The following SORCS2 variants were observed in gnomAD, a reference collection of about 807,000 sequenced individuals.
SORCS2 encodes the protein sortilin related VPS10 domain containing receptor 2, also known as VPS10 domain-containing receptor SorCS2.
In SORCS2, 100 loss-of-function variants were observed where a neutral mutation model predicts 141.6. The ratio of observed to expected loss-of-function variants is 0.71; its 90% CI spans 0.60 to 0.83. The LOEUF is 0.83. Ranked by LOEUF, SORCS2 falls within the 40% of genes least tolerant of loss-of-function variation. The pLI is 0.00. For missense variants in SORCS2, 1,646 were observed against 1,560.2 expected (o/e 1.05, Z -0.93); for synonymous variants, 789 against 676.9 (o/e 1.17, Z -2.57).
intron 1 of SORCS2, among the ~76,000 whole-genome samples, chr4:7,318,545 G>A (rs529980244): frequency 2.6e-5 from 4 of 152,110 alleles, no homozygotes; most frequent in Admixed American, 6.5e-5. Flanking sequence ...TTAACTCTTC[G>A]TGCCCAGTTT....
chr4:7,700,528 C>T (rs914439817), intron 12 of SORCS2, among the ~76,000 whole-genome samples: 3 of 152,196 alleles, frequency 2.0e-5, no homozygotes, highest in African/African-American at 7.2e-5. Flanking sequence ...GAACGTTCTT[C>T]TTCATAGTCC....
chr4:7,332,323 C>T (rs1719702744), intron 1 of SORCS2, among the ~76,000 whole-genome samples: 1 of 152,216 alleles, frequency 6.6e-6, no homozygotes. Flanking sequence ...GTCTCAGCTC[C>T]TCTGAGGCTG....
rs182308986 is a variant in SORCS2 at position 7,735,681 on chromosome 4, G to A, written c.3311+1307G>A. On this transcript the variant is annotated intron_variant, in intron 25 of 26. Transcript: ENST00000507866. ...AAGTTCCAAACTCAGAGAGGCACTGGCTTCCGAACAGGTCTATCCAGGGGT... is the reference window on the plus strand; with the variant it reads ...AAGTTCCAAACTCAGAGAGGCACTGACTTCCGAACAGGTCTATCCAGGGGT... 3.9e-5 allele frequency among the ~76,000 whole-genome samples: 6 copies of A among 152,296 alleles called. No individual in the cohort carries two copies. The East Asian group carries it at 1.2e-3, about 29-fold the overall frequency.
chr4:7,426,629 G>T (rs1016163452), intron 2 of SORCS2, among the ~76,000 whole-genome samples: 7 of 152,094 alleles, frequency 4.6e-5, no homozygotes, highest in African/African-American at 1.4e-4. Context: ...TGTACTGGGT[G>T]TCTTGTGTGT....
At chr4:7,612,925 G>GGGAACA (rs368638335) in intron 3 of SORCS2, among the ~76,000 whole-genome samples, 2 of 152,210 alleles carry the variant, frequency 1.3e-5, no homozygotes, top group African/African-American at 4.8e-5. Flanking sequence ...GCTGGGGGAG[G>GGGAACA]AGACGCCATT....
At chr4:7,693,854 C>T (rs1158869480) in intron 11 of SORCS2, among the ~76,000 whole-genome samples, 1 of 152,216 alleles carries the variant, frequency 6.6e-6, no homozygotes, top group Non-Finnish European at 1.5e-5. Context: ...GATGTGAGGG[C>T]GAGAAGCCCT....
intron 3 of SORCS2, among the ~76,000 whole-genome samples, chr4:7,600,652 TATATACACACACACACACACAC>T (rs1392874544): frequency 3.1e-5 from 3 of 96,232 alleles, no homozygotes; most frequent in African/African-American, 1.1e-4. Flanking sequence ...TATACATATA[TATATACACACACACACACACAC>T]ACACACACAC....
intron 5 of SORCS2, among the ~76,000 whole-genome samples, chr4:7,655,721 C>A (rs1194111398): frequency 6.6e-6 from 1 of 152,248 alleles, no homozygotes; most frequent in Non-Finnish European, 1.5e-5. Context: ...CAACTGTCAG[C>A]AGCCAGAGCT....
intron 2 of SORCS2, among the ~76,000 whole-genome samples, chr4:7,440,986 G>A (rs931468427): frequency 3.3e-5 from 5 of 152,308 alleles, no homozygotes; most frequent in African/African-American, 4.8e-5. Flanking sequence ...AGGGAGTTTC[G>A]TGGGGTGAGA....
intron 1 of SORCS2, among the ~76,000 whole-genome samples, chr4:7,331,226 G>A (rs1719636611): frequency 6.6e-6 from 1 of 152,200 alleles, no homozygotes; most frequent in South Asian, 2.1e-4. Context: ...GCTGGAGACT[G>A]CTGTGGGGCT....
At chr4:7,484,234 C>T (rs1010508234) in intron 2 of SORCS2, among the ~76,000 whole-genome samples, 3 of 152,196 alleles carry the variant, frequency 2.0e-5, no homozygotes, top group Non-Finnish European at 2.9e-5. Flanking sequence ...TGAGTCTGAA[C>T]GTATTTTCCG....
At chr4:7,237,154 C>G (rs1328659974) in intron 1 of SORCS2, among the ~76,000 whole-genome samples, 2 of 152,346 alleles carry the variant, frequency 1.3e-5, no homozygotes, top group Non-Finnish European at 2.9e-5. Flanking sequence ...AAGTTTCTGA[C>G]AAGCAGCAGA....
rs186607625 is a variant in SORCS2, at chr4:7,675,823, C to T, written c.1162-227C>T. Among the ~76,000 whole-genome samples the T allele has an allele frequency of 3.4e-3, 525 of 152,300 alleles. 1 individual carries two copies. Among genetic ancestry groups the T allele is most frequent in the Admixed American group, 8.7e-3 (133 of 15,310 alleles). The stretch of plus-strand genomic sequence containing the variant: ...CATAACCCGGCGTAGAGCATCCCAA[C>T]GCCATCCCCATTTTAGAGATGGGGA... On this transcript the variant is annotated intron_variant, in intron 8 of 26. Transcript: ENST00000507866.
At chr4:7,269,827 C>T (rs550030328) in intron 1 of SORCS2, among the ~76,000 whole-genome samples, 3 of 152,302 alleles carry the variant, frequency 2.0e-5, no homozygotes, top group East Asian at 3.9e-4. Context: ...GAGCCACCCA[C>T]TGTGTGGTGA....
chr4:7,379,159 G>C (rs546600251), intron 1 of SORCS2, among the ~76,000 whole-genome samples: 3 of 152,198 alleles, frequency 2.0e-5, no homozygotes, highest in African/African-American at 7.2e-5. Context: ...GCACATCCGA[G>C]TATGGGCCAG....
At chr4:7,611,059 A>G (rs542979687) in intron 3 of SORCS2, among the ~76,000 whole-genome samples, 1 of 152,204 alleles carries the variant, frequency 6.6e-6, no homozygotes, top group African/African-American at 2.4e-5. Flanking sequence ...ACTAAGCAGG[A>G]TGGCCTGCAG....
intron 1 of SORCS2, among the ~76,000 whole-genome samples, chr4:7,308,271 A>G (rs2108914466): frequency 6.6e-6 from 1 of 152,272 alleles, no homozygotes; most frequent in South Asian, 2.1e-4. Context: ...TCAAGGCAGT[A>G]GGAGCACCCC....
chr4:7,387,618 T>TACACAC (rs1553853203), intron 1 of SORCS2, among the ~76,000 whole-genome samples: 1 of 117,346 alleles, frequency 8.5e-6, no homozygotes, highest in African/African-American at 3.8e-5. Context: ...TGCACACACA[T>TACACAC]ACACATTTGC....
At chr4:7,547,661 T>C (rs1713364278) in intron 3 of SORCS2, among the ~76,000 whole-genome samples, 1 of 152,056 alleles carries the variant, frequency 6.6e-6, no homozygotes, top group South Asian at 2.1e-4. Flanking sequence ...CCCACCTCCC[T>C]CCCAACCCCA....
Sources: allele counts gnomAD v4.1 joint callset (sites outside exome capture counted in the v4.1 genomes callset), GRCh38; gene constraint gnomAD v4.1.1; transcripts MANE v1.5; gene names NCBI Gene and HGNC (gene_info 2026-07-23, HGNC 2026-07-21).